The following SV2C variants were observed in gnomAD, a reference collection of about 807,000 sequenced individuals.
SV2C encodes synaptic vesicle glycoprotein 2C, also known as solute carrier family 22 member B3.
In SV2C, 49 loss-of-function variants were observed where a neutral mutation model predicts 79.7. That is an observed-to-expected ratio of 0.61 (90% confidence interval 0.49 to 0.78). The LOEUF is 0.78. Among genes scored for constraint, SV2C ranks in the 30% least tolerant of loss-of-function variants. SV2C has a pLI of 0.00. For synonymous variants in SV2C, 334 were observed against 333.2 expected (o/e 1.00, Z -0.03); for missense variants, 833 against 912.9 (o/e 0.91, Z 1.13).
chr5:75,983,696 G>T, the SV2C span, among the ~76,000 whole-genome samples: 4,149 of 152,086 alleles, frequency 0.027, 162 homozygotes, highest in African/African-American at 0.087. Context: ...AGGACAGACT[G>T]TGATAGTTGC....
chr5:75,857,562 C>T, the SV2C span, among the ~76,000 whole-genome samples: 2,021 of 152,082 alleles, frequency 0.013, 40 homozygotes, highest in African/African-American at 0.043. Context: ...AGTTTTGTTC[C>T]TTTTGCTCAG....
the SV2C span, among the ~76,000 whole-genome samples, chr5:75,905,209 CA>C: frequency 0.016 from 2,462 of 152,276 alleles, 32 homozygotes; most frequent in African/African-American, 0.042. Flanking sequence ...GTCCATGAAG[CA>C]AGGCAAAGTT....
intron 2 of SV2C, among the ~76,000 whole-genome samples, chr5:76,154,411 G>A (rs1206187956): frequency 6.6e-6 from 1 of 152,176 alleles, no homozygotes; most frequent in African/African-American, 2.4e-5. Flanking sequence ...AGATTTAAGA[G>A]CTCTTAAGCA....
the SV2C span, among the ~76,000 whole-genome samples, chr5:76,038,837 A>G: frequency 6.6e-6 from 1 of 152,190 alleles, no homozygotes; most frequent in Admixed American, 6.5e-5. Flanking sequence ...TTAATGAATA[A>G]CTCTGTAACA....
chr5:76,151,476 T>C (rs1749602473), intron 2 of SV2C, among the ~76,000 whole-genome samples: 1 of 152,214 alleles, frequency 6.6e-6, no homozygotes, highest in African/African-American at 2.4e-5. Flanking sequence ...AGGCACAAAC[T>C]TGAGATGGGA....
At chr5:76,066,343 C>G in the SV2C span, among the ~76,000 whole-genome samples, 11 of 150,478 alleles carry the variant, frequency 7.3e-5, no homozygotes, top group Middle Eastern at 3.4e-3. Context: ...CAAACTCTCA[C>G]AAGAACAAAA....
chr5:76,188,479 T>G (rs544663065), intron 2 of SV2C, among the ~76,000 whole-genome samples: 76 of 152,302 alleles, frequency 5.0e-4, no homozygotes, highest in African/African-American at 1.8e-3. Context: ...AGCCATCTGT[T>G]TTAAGAGCCC....
Position 76,330,913 on chromosome 5 carries a change from G to C in SV2C, c.*5366G>C, listed in dbSNP as rs1325747645. On this transcript the variant is annotated 3_prime_UTR_variant, in exon 13 of 13. Coordinates refer to ENST00000502798, the MANE Select transcript of SV2C (RefSeq NM_014979.4). Reference sequence around the variant, plus strand: ...GCTCTATTACTTAGGCCGGAGTGCAGTGGTGCAATCTCGGCTCAATGCAAC... The same window carrying C: ...GCTCTATTACTTAGGCCGGAGTGCACTGGTGCAATCTCGGCTCAATGCAAC... The C allele has an allele frequency of 6.6e-6, 1 of 151,672 alleles. No individual in the cohort carries two copies. The highest frequency in any genetic ancestry group is 6.6e-5 in the Admixed American group (1 of 15,230). 9.4% of individuals were successfully genotyped at this position (151,672 alleles called of 1,614,324 possible).
chr5:76,290,163 T>C (rs980562690), intron 6 of SV2C, among the ~76,000 whole-genome samples: 2 of 152,232 alleles, frequency 1.3e-5, no homozygotes, highest in East Asian at 3.8e-4. Context: ...CGATTGCATT[T>C]GATTTGGAAT....
chr5:75,934,594 T>G, the SV2C span, among the ~76,000 whole-genome samples: 2 of 152,202 alleles, frequency 1.3e-5, no homozygotes, highest in Non-Finnish European at 2.9e-5. Flanking sequence ...CCTCAGAGTT[T>G]GTTTTAAATT....
rs148798850 is a variant in SV2C, at chr5:76,094,780, A to G, written c.-102+11268A>G. 2.7e-3 allele frequency among the ~76,000 whole-genome samples: 412 copies of G among 152,078 alleles called. 1 individual carries two copies. The highest frequency in any genetic ancestry group is 8.6e-3 in the African/African-American group (359 of 41,532). On this transcript the variant is annotated intron_variant, in intron 1 of 12. Coordinates refer to ENST00000502798, the MANE Select transcript of SV2C (RefSeq NM_014979.4). ...TGTTTATATATTTTGCCATTTTTCAATTGGGTTGCTTGCTTTCTTATTGTT... is the reference window on the plus strand; with the variant it reads ...TGTTTATATATTTTGCCATTTTTCAGTTGGGTTGCTTGCTTTCTTATTGTT...
intron 4 of SV2C, among the ~76,000 whole-genome samples, chr5:76,217,568 C>A (rs1467370150): frequency 6.6e-6 from 1 of 152,148 alleles, no homozygotes; most frequent in Admixed American, 6.5e-5. Flanking sequence ...GCAAAATAAT[C>A]TCGTTAGAAT....
At chr5:75,964,472 G>C in the SV2C span, among the ~76,000 whole-genome samples, 1 of 152,134 alleles carries the variant, frequency 6.6e-6, no homozygotes, top group African/African-American at 2.4e-5. Context: ...TGCAGGGATA[G>C]GGGAGGAAAG....
At chr5:76,156,736 C>G (rs1239676142) in intron 2 of SV2C, among the ~76,000 whole-genome samples, 1 of 151,754 alleles carries the variant, frequency 6.6e-6, no homozygotes, top group Non-Finnish European at 1.5e-5. Flanking sequence ...AAAAAAGAAC[C>G]AAATGAACAT....
chr5:76,035,194 A>C, the SV2C span, among the ~76,000 whole-genome samples: 2 of 148,258 alleles, frequency 1.3e-5, no homozygotes, highest in Admixed American at 6.7e-5. Flanking sequence ...CTTTCAAAAA[A>C]CCAGCTCCTG....
At chr5:76,230,798 A>AAAAAG (rs538055871) in intron 4 of SV2C, among the ~76,000 whole-genome samples, 1 of 144,292 alleles carries the variant, frequency 6.9e-6, no homozygotes, top group South Asian at 2.1e-4. Context: ...CAGAAGAAAA[A>AAAAAG]AAAAGAAAAG....
chr5:76,267,402 A>G (rs1457455295), intron 4 of SV2C, among the ~76,000 whole-genome samples: 1 of 152,222 alleles, frequency 6.6e-6, no homozygotes, highest in Non-Finnish European at 1.5e-5. Flanking sequence ...AAATACATCT[A>G]TATGAAGTCC....
At chr5:76,312,370 G>A (rs578076204) in intron 12 of SV2C, among the ~76,000 whole-genome samples, 6 of 151,990 alleles carry the variant, frequency 3.9e-5, no homozygotes, top group South Asian at 4.2e-4. Flanking sequence ...CTCCTGCCTC[G>A]GCCTCCTGAG....
At chr5:75,915,924 G>A in the SV2C span, among the ~76,000 whole-genome samples, 1 of 152,166 alleles carries the variant, frequency 6.6e-6, no homozygotes, top group Non-Finnish European at 1.5e-5. Context: ...GTAGGAATAT[G>A]CATCTGGGGC....
Sources: allele counts gnomAD v4.1 joint callset (sites outside exome capture counted in the v4.1 genomes callset), GRCh38; gene constraint gnomAD v4.1.1; transcripts MANE v1.5; gene names NCBI Gene and HGNC (gene_info 2026-07-23, HGNC 2026-07-21).